The following SKAP1 variants were observed in gnomAD, a reference collection of about 807,000 sequenced individuals.
The protein encoded by SKAP1 is src kinase associated phosphoprotein 1, also known as src kinase-associated phosphoprotein 1.
Under a neutral mutation model 58.5 loss-of-function variants are expected in SKAP1, and 44 were observed. That is an observed-to-expected ratio of 0.75 (90% CI 0.59 to 0.97). The LOEUF is 0.97. Among genes scored for constraint, SKAP1 ranks in the 50% least tolerant of loss-of-function variants. The pLI is 0.00. For missense variants in SKAP1, 390 were observed against 435.2 expected (o/e 0.90, Z 0.92); for synonymous variants, 127 against 149.7 (o/e 0.85, Z 1.11).
chr17:48,140,722 C>T (rs867466040), intron 11 of SKAP1, among the ~76,000 whole-genome samples: 1 of 151,992 alleles, frequency 6.6e-6, no homozygotes, highest in African/African-American at 2.4e-5. Flanking sequence ...GCTGGAATCT[C>T]AGGAGTCATT....
At chr17:48,394,705 G>T (rs185161562) in intron 2 of SKAP1, among the ~76,000 whole-genome samples, 1 of 152,052 alleles carries the variant, frequency 6.6e-6, no homozygotes, top group Non-Finnish European at 1.5e-5. Flanking sequence ...AAGCTTTTTG[G>T]GGGACATATA....
At chr17:48,284,784 T>C (rs1342701764) in intron 4 of SKAP1, among the ~76,000 whole-genome samples, 1 of 152,202 alleles carries the variant, frequency 6.6e-6, no homozygotes, top group African/African-American at 2.4e-5. Flanking sequence ...TGGGAGGACC[T>C]GCCTTTCAGG....
At chr17:48,207,969 C>G in intron 4 of SKAP1, among the ~76,000 whole-genome samples, 1 of 152,140 alleles carries the variant, frequency 6.6e-6, no homozygotes, top group African/African-American at 2.4e-5. Context: ...ACAGCACAGA[C>G]ATGATTTTAA....
chr17:48,373,188 T>C (rs896284316), intron 2 of SKAP1, among the ~76,000 whole-genome samples: 8 of 152,126 alleles, frequency 5.3e-5, no homozygotes, highest in Non-Finnish European at 1.0e-4. Context: ...CTTAAAACCA[T>C]GGTGGAAGGT....
intron 4 of SKAP1, among the ~76,000 whole-genome samples, chr17:48,265,808 C>A (rs2065540898): frequency 6.6e-6 from 1 of 152,296 alleles, no homozygotes; most frequent in South Asian, 2.1e-4. Context: ...CAAAGGCAAA[C>A]TCCTGTGGCA....
intron 4 of SKAP1, among the ~76,000 whole-genome samples, chr17:48,336,322 C>T (rs781042225): frequency 8.6e-5 from 13 of 152,034 alleles, no homozygotes; most frequent in Non-Finnish European, 1.8e-4. Flanking sequence ...TGAGCACTCC[C>T]CTCCCCATAG....
At chr17:48,256,126 T>C (rs2065420800) in intron 4 of SKAP1, among the ~76,000 whole-genome samples, 1 of 152,012 alleles carries the variant, frequency 6.6e-6, no homozygotes, top group Non-Finnish European at 1.5e-5. Context: ...ATTTGTCACT[T>C]TCTCACTGGC....
chr17:48,255,484 T>C (rs985354750), intron 4 of SKAP1, among the ~76,000 whole-genome samples: 5 of 151,348 alleles, frequency 3.3e-5, no homozygotes, highest in African/African-American at 9.7e-5. Context: ...GAATATGGTA[T>C]AACAGGATAC....
At chr17:48,207,201 C>T (rs1337504492) in intron 4 of SKAP1, among the ~76,000 whole-genome samples, 5 of 151,918 alleles carry the variant, frequency 3.3e-5, no homozygotes. Flanking sequence ...ACCACTTGCA[C>T]AGGTTGGGCA....
intron 2 of SKAP1, among the ~76,000 whole-genome samples, chr17:48,370,489 G>A (rs1457727530): frequency 6.6e-6 from 1 of 152,010 alleles, no homozygotes; most frequent in African/African-American, 2.4e-5. Context: ...TTTTTGTAGA[G>A]ACAAGGTTTC....
At chr17:48,389,289 G>A (rs2067316298) in intron 2 of SKAP1, among the ~76,000 whole-genome samples, 1 of 152,050 alleles carries the variant, frequency 6.6e-6, no homozygotes, top group Non-Finnish European at 1.5e-5. Context: ...TTTATGAGCT[G>A]TTTGTTCCCC....
intron 7 of SKAP1, among the ~76,000 whole-genome samples, chr17:48,183,005 G>A (rs1206241257): frequency 6.6e-6 from 1 of 152,190 alleles, no homozygotes; most frequent in Admixed American, 6.5e-5. Flanking sequence ...CATGACTTAC[G>A]GGGAAGCCTG....
intron 11 of SKAP1, among the ~76,000 whole-genome samples, chr17:48,138,233 C>T (rs1200908332): frequency 6.6e-6 from 1 of 151,164 alleles, no homozygotes; most frequent in African/African-American, 2.4e-5. Context: ...GAGACGGAGT[C>T]TCGCACTGTC....
chr17:48,206,824 TA>T (rs986629622), intron 4 of SKAP1, among the ~76,000 whole-genome samples: 4 of 152,050 alleles, frequency 2.6e-5, no homozygotes, highest in Admixed American at 1.3e-4. Context: ...ATTATTTGAT[TA>T]AAAAAAATTT....
At chr17:48,385,784 G>A (rs1259662542) in intron 2 of SKAP1, among the ~76,000 whole-genome samples, 2 of 152,212 alleles carry the variant, frequency 1.3e-5, no homozygotes, top group Non-Finnish European at 2.9e-5. Flanking sequence ...AAGAGGTGGA[G>A]GATATTGTGG....
chr17:48,325,829 A>G (rs1028320632), intron 4 of SKAP1, among the ~76,000 whole-genome samples: 2 of 152,240 alleles, frequency 1.3e-5, no homozygotes, highest in Non-Finnish European at 2.9e-5. Flanking sequence ...AGTAATCTTT[A>G]TGGAAGGGAA....
chr17:48,239,589 C>A (rs1316208724), intron 4 of SKAP1, among the ~76,000 whole-genome samples: 1 of 152,142 alleles, frequency 6.6e-6, no homozygotes, highest in Non-Finnish European at 1.5e-5. Flanking sequence ...ATAGAAAAAG[C>A]TTTCTTTTGC....
In SKAP1 at chr17:48,170,679, G is replaced by T; in HGVS notation, c.827-20C>A. The T allele has an allele frequency of 1.3e-6, 2 of 1,584,414 alleles. No individual in the cohort carries two copies. Among genetic ancestry groups the T allele is most frequent in the Non-Finnish European group, 1.7e-6 (2 of 1,157,008 alleles). On this transcript the variant is annotated intron_variant, in intron 9 of 12. Transcript: ENST00000336915. ...CTTCATCTGGGGGGATAAATGATCA[G>T]TATTAGCAATTAGTGGTTCACAGTC...
rs2067016947 is a variant in SKAP1, at chr17:48,367,297, G to GTA, written c.153-3485_153-3484dup. 9.9e-5 allele frequency among the ~76,000 whole-genome samples: 15 copies of GTA among 151,982 alleles called. No homozygotes were observed. The South Asian group carries it at 3.1e-3, about 32-fold the overall frequency. ...TTATTCCTGGTAATACTATAATTAA[G>GTA]TATTTCTGTCAAACTTTCAATTATA... On this transcript the variant is annotated intron_variant, in intron 2 of 12. Transcript: ENST00000336915.
Sources: allele counts gnomAD v4.1 joint callset (sites outside exome capture counted in the v4.1 genomes callset), GRCh38; gene constraint gnomAD v4.1.1; transcripts MANE v1.5; gene names NCBI Gene and HGNC (gene_info 2026-07-23, HGNC 2026-07-21).